The following PLXNA4 variants were observed in gnomAD, a reference collection of about 807,000 sequenced individuals.
PLXNA4 encodes plexin A4.
A neutral mutation model predicts 191.8 loss-of-function variants in PLXNA4; 44 were observed. The observed-to-expected ratio is 0.23, with a 90% CI of 0.18 to 0.29. The LOEUF is 0.29. Ranked by LOEUF, PLXNA4 falls within the 10% of genes least tolerant of loss-of-function variation. The pLI, the probability that PLXNA4 is intolerant of heterozygous loss-of-function variation, is 1.00. For synonymous variants in PLXNA4, 1,082 were observed against 1,009.5 expected (o/e 1.07, Z -1.36); for missense variants, 1,800 against 2,488.8 (o/e 0.72, Z 5.89).
chr7:132,334,737 G>A (rs12538433), intron 3 of PLXNA4, among the ~76,000 whole-genome samples: 17,318 of 152,082 alleles, frequency 0.11, 1,232 homozygotes, highest in Admixed American at 0.22. Context: ...CATTCATGTG[G>A]ATAATAGTTG....
intron 22 of PLXNA4, among the ~76,000 whole-genome samples, chr7:132,168,103 C>T (rs1320970424): frequency 6.6e-6 from 1 of 152,190 alleles, no homozygotes; most frequent in Admixed American, 6.5e-5. Flanking sequence ...GCCAACAAGT[C>T]CATGCATCCT....
intron 25 of PLXNA4, among the ~76,000 whole-genome samples, chr7:132,149,389 C>A (rs1489964476): frequency 6.6e-6 from 1 of 152,172 alleles, no homozygotes; most frequent in Admixed American, 6.5e-5. Flanking sequence ...GAGGCTGTTT[C>A]TCATCAACCA....
At chr7:132,168,279 A>T in intron 22 of PLXNA4, 25 bp downstream of exon 22, 1 of 1,503,012 alleles carries the variant, frequency 6.7e-7, no homozygotes, top group Non-Finnish European at 8.9e-7. Flanking sequence ...AGGCTGGAGC[A>T]GGGTGCCCCA....
At chr7:132,284,635 C>A (rs1026041023) in intron 4 of PLXNA4, among the ~76,000 whole-genome samples, 1 of 152,148 alleles carries the variant, frequency 6.6e-6, no homozygotes, top group African/African-American at 2.4e-5. Context: ...GACTATGAGG[C>A]CAGAGCCAAC....
chr7:132,595,642 C>T (rs1489149937), intron 2 of PLXNA4, among the ~76,000 whole-genome samples: 2 of 152,110 alleles, frequency 1.3e-5, no homozygotes, highest in African/African-American at 2.4e-5. Flanking sequence ...ATACACTGGC[C>T]CAACCTGATT....
chr7:132,299,756 T>C (rs963996679), intron 3 of PLXNA4, among the ~76,000 whole-genome samples: 1 of 152,170 alleles, frequency 6.6e-6, no homozygotes, highest in African/African-American at 2.4e-5. Flanking sequence ...TTGTCCGTGA[T>C]GAGCATAAAC....
intron 9 of PLXNA4, among the ~76,000 whole-genome samples, chr7:132,212,448 G>A (rs1258114672): frequency 6.6e-6 from 1 of 152,178 alleles, no homozygotes; most frequent in African/African-American, 2.4e-5. Context: ...AGGCTCAGAG[G>A]GAGAAGGCTT....
intron 5 of PLXNA4, among the ~76,000 whole-genome samples, chr7:132,239,200 A>G (rs990251027): frequency 1.3e-5 from 2 of 152,156 alleles, no homozygotes; most frequent in South Asian, 4.2e-4. Context: ...ATGATGTTAC[A>G]GAAGGGTAAA....
At chr7:132,168,966 G>GA (rs1033149709) in intron 21 of PLXNA4, among the ~76,000 whole-genome samples, 2 of 152,184 alleles carry the variant, frequency 1.3e-5, no homozygotes, top group African/African-American at 2.4e-5. Context: ...TACACCCTGA[G>GA]AATCCCCATC....
At chr7:132,562,744 C>T (rs1293123970) in intron 1 of PLXNA4, among the ~76,000 whole-genome samples, 2 of 128,446 alleles carry the variant, frequency 1.6e-5, no homozygotes, top group Non-Finnish European at 3.2e-5. Context: ...TCCTTCTCCT[C>T]CTCCTTCTCC....
chr7:132,228,505 G>T, intron 5 of PLXNA4, 36 bp from the exon 6 acceptor site: 2 of 1,612,506 alleles, frequency 1.2e-6, no homozygotes, highest in Middle Eastern at 1.7e-4. Flanking sequence ...CTCAGGAGAT[G>T]GCCGCTTGGT....
chr7:132,163,730 T>C (rs1171694189), intron 24 of PLXNA4, among the ~76,000 whole-genome samples: 4 of 152,202 alleles, frequency 2.6e-5, no homozygotes, highest in African/African-American at 9.6e-5. Flanking sequence ...CAGTGGGGGC[T>C]TCAGAGCTAT....
chr7:132,251,023 G>A (rs926680676), intron 4 of PLXNA4, among the ~76,000 whole-genome samples: 2 of 151,210 alleles, frequency 1.3e-5, no homozygotes, highest in Non-Finnish European at 2.9e-5. Flanking sequence ...TGTTGTCCTG[G>A]GGATCAAAGT....
intron 14 of PLXNA4, 29 bp from the exon 15 acceptor site, chr7:132,187,636 C>A: frequency 1.3e-6 from 2 of 1,590,240 alleles, no homozygotes; most frequent in Non-Finnish European, 1.7e-6. Flanking sequence ...GCCTGAGACA[C>A]AACCAGGAAG....
rs754075029 is a variant in PLXNA4 at position 132,298,253 on chromosome 7, G to A, written c.1372-31C>T. 9.4e-6 allele frequency: 15 copies of A among 1,596,136 alleles called. No individual in the cohort carries two copies. The Admixed American group carries it at 2.4e-4, about 26-fold the overall frequency. Reference sequence around the variant, plus strand: ...GAGAAGAAGAGGAGAGCCAAAGTGAGTTCAGATCCTGCACTGCCCACAGCC... The same window carrying A: ...GAGAAGAAGAGGAGAGCCAAAGTGAATTCAGATCCTGCACTGCCCACAGCC... On this transcript the variant is annotated intron_variant, in intron 3 of 31. Transcript: ENST00000321063.
intron 4 of PLXNA4, among the ~76,000 whole-genome samples, chr7:132,287,618 GGTCT>G (rs1800731874): frequency 6.6e-6 from 1 of 152,136 alleles, no homozygotes; most frequent in South Asian, 2.1e-4. Context: ...TCACCCCCAT[GGTCT>G]GTCTGAGAGA....
chr7:132,402,413 G>A (rs1794027648), intron 3 of PLXNA4, among the ~76,000 whole-genome samples: 2 of 152,164 alleles, frequency 1.3e-5, no homozygotes, highest in Non-Finnish European at 2.9e-5. Context: ...CATTGTAAAG[G>A]TGGAGAAAGA....
chr7:132,613,134 G>T (rs991514138), intron 2 of PLXNA4, among the ~76,000 whole-genome samples: 1 of 152,144 alleles, frequency 6.6e-6, no homozygotes, highest in African/African-American at 2.4e-5. Context: ...CGCACACAAA[G>T]GTTGGACTGC....
intron 2 of PLXNA4, among the ~76,000 whole-genome samples, chr7:132,627,621 A>G (rs972162228): frequency 6.6e-6 from 1 of 152,216 alleles, no homozygotes; most frequent in Admixed American, 6.5e-5. Flanking sequence ...CTCCACACTT[A>G]TATATGGGAT....
Sources: gnomAD v4.1 joint callset for allele counts (sites outside exome capture counted in the v4.1 genomes callset) on GRCh38, gnomAD v4.1.1 for gene constraint, MANE v1.5 for transcripts, NCBI Gene and HGNC (gene_info 2026-07-23, HGNC 2026-07-21) for gene names.